BCLAF3: variants seen among roughly 807,000 people sequenced by gnomAD.
BCLAF3 encodes transient octamer binding factor 1.
A neutral mutation model predicts 51.2 loss-of-function variants in BCLAF3; 24 were observed. The observed-to-expected ratio is 0.47, with a 90% CI of 0.34 to 0.66. The LOEUF is 0.66. Ranked by LOEUF, BCLAF3 falls within the 30% of genes least tolerant of loss-of-function variation. The pLI is 0.01. For synonymous variants in BCLAF3, 152 were observed against 176.6 expected (o/e 0.86, Z 1.10); for missense variants, 465 against 525.1 (o/e 0.89, Z 1.12).
At chrX:19,925,453 G>A (rs190981699) in intron 11 of BCLAF3, among the ~76,000 whole-genome samples, 2 of 111,467 alleles carry the variant, frequency 1.8e-5, no homozygotes, top group East Asian at 5.6e-4. Context: ...TCAGGCTCAA[G>A]AAGGTTCCAG....
chrX:19,935,679 C>A, intron 10 of BCLAF3, 130 bp downstream of exon 10: 2 of 514,998 alleles, frequency 3.9e-6, no homozygotes, highest in South Asian at 3.7e-5. Context: ...TATAAATGTC[C>A]AGAAATACTA....
chrX:19,921,846 C>CA (rs1442852699), intron 11 of BCLAF3, among the ~76,000 whole-genome samples: 1 of 105,708 alleles, frequency 9.5e-6, no homozygotes, highest in East Asian at 3.0e-4. Flanking sequence ...CTACTAAAAA[C>CA]AAAAAAATTA....
At chrX:19,953,735 T>A (rs2071571855) in intron 6 of BCLAF3, 43 bp downstream of exon 6, 1 of 1,052,600 alleles carries the variant, frequency 9.5e-7, no homozygotes, top group Non-Finnish European at 1.3e-6. Flanking sequence ...CTGAGGTATA[T>A]CCCCATTAGT....
Position 19,955,547 on chromosome X carries a change from T to C in BCLAF3, c.1294A>G (p.Thr432Ala). Reference sequence around the variant, plus strand: ...AAATCATGTGACATCTGTCTCTCTGTGGAATAGCTAGAAGCAACCCTAGAA... The same window carrying C: ...AAATCATGTGACATCTGTCTCTCTGCGGAATAGCTAGAAGCAACCCTAGAA... ...DTFRVASSYS[T>A]ERQMSHDLVA... The change falls in exon 5 of 12, where the codon ACA becomes GCA. Residue 432 changes from threonine to alanine, a missense_variant. Physicochemically the swap from Thr to Ala is moderately conservative, Grantham distance 58 (BLOSUM62 0). Coordinates refer to ENST00000379682, the MANE Select transcript of BCLAF3 (RefSeq NM_001367774.2). The C allele has an allele frequency of 8.4e-7, 1 of 1,194,126 alleles. No homozygotes were observed. Among genetic ancestry groups the C allele is most frequent in the Non-Finnish European group, 1.1e-6 (1 of 889,201 alleles).
Position 19,965,716 on chromosome X carries a change from C to T in BCLAF3, c.612-10G>A, listed in dbSNP as rs1450784717. The T allele has an allele frequency of 8.9e-7, 1 of 1,122,388 alleles. No homozygotes were observed. The highest frequency in any genetic ancestry group is 1.2e-6 in the Non-Finnish European group (1 of 854,689). The allele number at this position is 1,122,388 out of a possible 1,213,427, so 92.5% of individuals were successfully genotyped here. A position where few individuals can be genotyped will look rare whatever the true frequency, so the allele number is the denominator to read the frequency against. ...ACGATCCTCAGGATACCTGTGTTGA[C>T]ATAAAGCAGTTTACACTTGCAATAG... On this transcript the variant is annotated splice_polypyrimidine_tract_variant and intron_variant, in intron 3 of 11. Transcript: ENST00000379682.
intron 8 of BCLAF3, among the ~76,000 whole-genome samples, chrX:19,940,272 A>AT (rs1185510322): frequency 3.7e-5 from 3 of 80,263 alleles, no homozygotes; most frequent in East Asian, 3.0e-4. Context: ...TTATTTATTT[A>AT]TTTATTTTTT....
chrX:19,965,098 C>A lies in BCLAF3; in HGVS notation c.1220G>T (p.Arg407Met). ...TACTTTAACTGTAAGTGATTTCTTC[C>A]TAAGATTGATAGGCGAGGGTTTCAC... The part of the protein sequence containing the change: ...PDVKPSPINL[R>M]KKSLTVKVDV... The change falls in exon 4 of 12, where the codon AGG (arginine) becomes ATG (methionine). Residue 407 changes from arginine (R) to methionine (M), a missense_variant. By Grantham distance (91) the Arg-to-Met change is moderately conservative. Transcript: ENST00000379682. 1 of 1,193,613 alleles carries A rather than the reference C, an allele frequency of 8.4e-7. No individual in the cohort carries two copies. Among genetic ancestry groups the A allele is most frequent in the Non-Finnish European group, 1.1e-6 (1 of 889,853 alleles).
chrX:19,955,555 C>G lies in BCLAF3; in HGVS notation c.1286G>C (p.Ser429Thr), dbSNP rs778393643. 8.4e-7 allele frequency: 1 copy of G among 1,184,101 alleles called. No homozygotes were observed. Among genetic ancestry groups the G allele is most frequent in the South Asian group, 2.0e-5 (1 of 50,861 alleles). Residue 429 changes from serine (S) to threonine (T), a missense_variant, in exon 5 of 12, where the codon AGC becomes ACC. Coordinates refer to ENST00000379682, the MANE Select transcript of BCLAF3 (RefSeq NM_001367774.2). ...TGACATCTGTCTCTCTGTGGAATAGCTAGAAGCAACCCTAGAATAATTTGC... is the reference window on the plus strand; with the variant it reads ...TGACATCTGTCTCTCTGTGGAATAGGTAGAAGCAACCCTAGAATAATTTGC... ...KTVDTFRVAS[S>T]YSTERQMSHD...
At chrX:19,964,647 C>CA (rs2071983673) in intron 4 of BCLAF3, among the ~76,000 whole-genome samples, 1 of 111,373 alleles carries the variant, frequency 9.0e-6, no homozygotes, top group Non-Finnish European at 1.9e-5. Context: ...CCTTTCAGCT[C>CA]AAAAATTCTC....
Position 19,950,758 on chromosome X carries a change from T to C in BCLAF3, c.1740A>G (p.Ala580=), listed in dbSNP as rs2071450527. The C allele has an allele frequency of 8.3e-7, 1 of 1,197,641 alleles. No homozygotes were observed. Among genetic ancestry groups the C allele is most frequent in the Admixed American group, 2.2e-5 (1 of 45,586 alleles). Residue 580 remains alanine (A), a synonymous_variant, in exon 8 of 12, where the codon GCA becomes GCG. Coordinates refer to ENST00000379682, the MANE Select transcript of BCLAF3 (RefSeq NM_001367774.2). ...GTTTGTCATCTACTGATTACCTCTC[T>C]GCAGCACTAGCTATGTGAAAAATGT... The part of the protein sequence containing the change: ...DEHIFHIASA[A]ERDDQNSSFS...
At chrX:19,986,958 T>C (rs1466720984) in intron 1 of BCLAF3, among the ~76,000 whole-genome samples, 1 of 109,900 alleles carries the variant, frequency 9.1e-6, no homozygotes, top group East Asian at 2.9e-4. Flanking sequence ...GCATACCCCA[T>C]ACCCAGCTAA....
chrX:19,917,234 C>T lies in BCLAF3; in HGVS notation c.*71G>A. ...ATTAGTGCCTTAGTGTCACTTCTAA[C>T]TCCTGACAAAAAGAGAGAGATGCTC... is the stretch of plus-strand genomic sequence containing the variant. On this transcript the variant is annotated 3_prime_UTR_variant, in exon 12 of 12. Coordinates refer to ENST00000379682, the MANE Select transcript of BCLAF3 (RefSeq NM_001367774.2). 2 of 999,998 alleles carry T rather than the reference C, an allele frequency of 2.0e-6. No individual in the cohort carries two copies. The highest frequency in any genetic ancestry group is 2.8e-6 in the Non-Finnish European group (2 of 705,867). The allele number at this position is 999,998 out of a possible 1,213,427, so 82.4% of individuals were successfully genotyped here. A position where few individuals can be genotyped will look rare whatever the true frequency, so the allele number is the denominator to read the frequency against.
chrX:19,972,701 A>G (rs1229079446), intron 1 of BCLAF3, among the ~76,000 whole-genome samples: 1 of 111,626 alleles, frequency 9.0e-6, no homozygotes, highest in Non-Finnish European at 1.9e-5. Flanking sequence ...CCTATTTGAG[A>G]CATCTCATAC....
intron 7 of BCLAF3, 87 bp downstream of exon 7, chrX:19,952,901 C>T: frequency 1.4e-6 from 1 of 698,083 alleles, no homozygotes. Flanking sequence ...TGTACTTTAA[C>T]TCCCTTTTCT....
At chrX:19,959,729 G>A (rs1374328568) in intron 4 of BCLAF3, among the ~76,000 whole-genome samples, 2 of 110,866 alleles carry the variant, frequency 1.8e-5, no homozygotes, top group East Asian at 5.7e-4. Context: ...AGTGAGCCGT[G>A]ATCACACCAC....
rs774590531 is a variant in BCLAF3 at position 19,990,520 on chromosome X, G to A, written c.-35+388C>T. Among the ~76,000 whole-genome samples the A allele has an allele frequency of 3.5e-5, 4 of 113,708 alleles. No homozygotes were observed. In the East Asian group the frequency reaches 1.1e-3, roughly 32 times the overall value. On this transcript the variant is annotated intron_variant, in intron 1 of 11. Transcript: ENST00000379682. Reference sequence around the variant, plus strand: ...GGCGACGCGTCCAGGGCCGCCTCGAGGACAAGGGCACCGTCCCCGGACACC... The same window carrying A: ...GGCGACGCGTCCAGGGCCGCCTCGAAGACAAGGGCACCGTCCCCGGACACC...
intron 10 of BCLAF3, 71 bp downstream of exon 10, chrX:19,935,738 C>A: frequency 1.2e-6 from 1 of 855,911 alleles, no homozygotes; most frequent in Non-Finnish European, 1.7e-6. Flanking sequence ...TCTTGATTTA[C>A]TAACACTTAA....
chrX:19,977,611 C>T (rs1216700973), intron 1 of BCLAF3, among the ~76,000 whole-genome samples: 4 of 112,391 alleles, frequency 3.6e-5, no homozygotes, highest in South Asian at 3.7e-4. Context: ...AAGAAGCCAT[C>T]GCCATAACAT....
At chrX:19,927,525 C>T (rs1208467611) in intron 11 of BCLAF3, among the ~76,000 whole-genome samples, 2 of 112,025 alleles carry the variant, frequency 1.8e-5, no homozygotes, top group African/African-American at 6.5e-5. Context: ...CACAGTTGGG[C>T]TATTCAATAG....
Sources: allele counts gnomAD v4.1 joint callset (sites outside exome capture counted in the v4.1 genomes callset), GRCh38; gene constraint gnomAD v4.1.1; transcripts MANE v1.5; gene names NCBI Gene and HGNC (gene_info 2026-07-23, HGNC 2026-07-21).